The following GRM8 variants were observed in gnomAD, a reference collection of about 807,000 sequenced individuals.
GRM8 encodes the protein metabotropic glutamate receptor 8.
GRM8 carries 47 observed loss-of-function variants against 87.2 expected under a neutral mutation model. The ratio of observed to expected loss-of-function variants is 0.54; its 90% CI spans 0.43 to 0.69. The LOEUF (loss-of-function observed/expected upper bound fraction) is 0.69, where lower values mean the gene tolerates loss of function less well. Among genes scored for constraint, GRM8 ranks in the 30% least tolerant of loss-of-function variants. The probability of loss-of-function intolerance (pLI) is 0.00; values close to 1 mark genes in which losing one functional copy is unlikely to be tolerated. For missense variants in GRM8, 1,019 were observed against 1,139.2 expected (o/e 0.89, Z 1.52); for synonymous variants, 396 against 404.5 (o/e 0.98, Z 0.25).
intron 3 of GRM8, among the ~76,000 whole-genome samples, chr7:126,946,204 G>C (rs781687315): frequency 6.6e-6 from 1 of 152,194 alleles, no homozygotes; most frequent in East Asian, 1.9e-4. Context: ...AACACTCTTA[G>C]AAAAAGTCTG....
At chr7:126,474,513 C>A (rs1805672265) in intron 9 of GRM8, among the ~76,000 whole-genome samples, 1 of 152,116 alleles carries the variant, frequency 6.6e-6, no homozygotes, top group Non-Finnish European at 1.5e-5. Context: ...AAATAATCTG[C>A]CTGGGATCCC....
chr7:126,439,255 G>A, intron 10 of GRM8, 87 bp from the exon 11 acceptor site: 2 of 807,158 alleles, frequency 2.5e-6, no homozygotes, highest in East Asian at 5.1e-5. Context: ...GTCCTGTAAT[G>A]ACTTTTTAAT....
chr7:126,942,054 G>C (rs563054230), intron 3 of GRM8, among the ~76,000 whole-genome samples: 1 of 152,156 alleles, frequency 6.6e-6, no homozygotes, highest in Non-Finnish European at 1.5e-5. Context: ...TCATGAATTG[G>C]GTAGTGAATT....
intron 6 of GRM8, among the ~76,000 whole-genome samples, chr7:126,836,618 G>A (rs894548566): frequency 1.2e-4 from 18 of 151,960 alleles, no homozygotes; most frequent in South Asian, 8.3e-4. Flanking sequence ...CCCCTGCCTC[G>A]TACTCACCTG....
chr7:126,877,618 C>A (rs1563273793), intron 6 of GRM8, among the ~76,000 whole-genome samples: 1 of 152,176 alleles, frequency 6.6e-6, no homozygotes, highest in Non-Finnish European at 1.5e-5. Flanking sequence ...GAAATGCGGT[C>A]CACCAACCAT....
chr7:126,507,812 C>G (rs1047487881), intron 9 of GRM8, among the ~76,000 whole-genome samples: 3 of 151,884 alleles, frequency 2.0e-5, no homozygotes, highest in Admixed American at 1.3e-4. Context: ...CTAAATACCC[C>G]CTAACACCTC....
intron 3 of GRM8, among the ~76,000 whole-genome samples, chr7:127,047,684 A>C (rs1467766393): frequency 6.6e-6 from 1 of 152,118 alleles, no homozygotes; most frequent in African/African-American, 2.4e-5. Flanking sequence ...AGAAACACTT[A>C]GCCAGGCATG....
intron 9 of GRM8, among the ~76,000 whole-genome samples, chr7:126,473,629 T>A (rs1252993578): frequency 6.6e-6 from 1 of 152,138 alleles, no homozygotes; most frequent in African/African-American, 2.4e-5. Flanking sequence ...AAGGCATAGT[T>A]AGTTTTGAAA....
chr7:126,913,511 A>G (rs1366541263), intron 3 of GRM8, among the ~76,000 whole-genome samples: 3 of 152,216 alleles, frequency 2.0e-5, no homozygotes, highest in Non-Finnish European at 4.4e-5. Context: ...ATCCACCATT[A>G]TTTATTTCTT....
chr7:126,445,642 G>A (rs906862275), intron 10 of GRM8, among the ~76,000 whole-genome samples: 5 of 152,096 alleles, frequency 3.3e-5, no homozygotes, highest in African/African-American at 9.6e-5. Flanking sequence ...AGTATTAACT[G>A]TGACTTAACT....
In GRM8 at chr7:127,242,891, G is replaced by A. The variant is rs1328611139; in HGVS notation, c.314C>T (p.Thr105Met). 4 of 1,613,816 alleles carry A rather than the reference G, an allele frequency of 2.5e-6. No homozygotes were observed. The highest frequency in any genetic ancestry group is 2.2e-5 in the East Asian group (1 of 44,876). The stretch of plus-strand genomic sequence containing the variant: ...CAAAGCATAGGTGTCCCTAGAGCAC[G>A]TGTCGAGGATGCGGACACCCAGAGT... ...NITLGVRILD[T>M]CSRDTYALEQ... Residue 105 changes from threonine (T) to methionine (M), a missense_variant, in exon 2 of 11, where the codon ACG (threonine) becomes ATG (methionine). Coordinates refer to ENST00000339582, the MANE Select transcript of GRM8 (RefSeq NM_000845.3).
intron 7 of GRM8, among the ~76,000 whole-genome samples, chr7:126,612,903 C>T (rs772371551): frequency 5.3e-5 from 8 of 152,194 alleles, no homozygotes; most frequent in Non-Finnish European, 1.0e-4. Flanking sequence ...AATCCTCTCA[C>T]TTTGTTATTA....
At chr7:126,631,708 G>A (rs1187836493) in intron 7 of GRM8, among the ~76,000 whole-genome samples, 1 of 151,922 alleles carries the variant, frequency 6.6e-6, no homozygotes, top group Admixed American at 6.6e-5. Context: ...ATAACGAATA[G>A]AGACTCAGAA....
intron 9 of GRM8, among the ~76,000 whole-genome samples, chr7:126,499,713 C>T (rs34843956): frequency 0.14 from 20,897 of 151,468 alleles, 1,637 homozygotes; most frequent in South Asian, 0.18. Context: ...CTCACTTATG[C>T]GTGGAATTTA....
chr7:126,661,005 G>T (rs186735958), intron 7 of GRM8, among the ~76,000 whole-genome samples: 119 of 152,244 alleles, frequency 7.8e-4, no homozygotes, highest in African/African-American at 2.7e-3. Flanking sequence ...GACTGGGAAG[G>T]GTAGTAAGAG....
At chr7:126,695,996 A>G (rs1809336995) in intron 7 of GRM8, among the ~76,000 whole-genome samples, 1 of 152,142 alleles carries the variant, frequency 6.6e-6, no homozygotes, top group Admixed American at 6.5e-5. Context: ...GGGATAAAGA[A>G]AAGGGTGAAG....
chr7:126,721,791 T>C lies in GRM8; in HGVS notation c.1357+48074A>G, dbSNP rs189312635. ...GTCGAAAACTTCCTCTAAGTCTCTC[T>C]ACCCCATTCTCCAACTTTGCAAGGA... is the stretch of plus-strand genomic sequence containing the variant. On this transcript the variant is annotated intron_variant, in intron 7 of 10. Transcript: ENST00000339582. 6.9e-4 allele frequency among the ~76,000 whole-genome samples: 105 copies of C among 152,202 alleles called. 3 individuals are homozygous for C. The highest frequency in any genetic ancestry group is 6.8e-3 in the Admixed American group (104 of 15,260).
chr7:127,010,095 A>G (rs1586741480), intron 3 of GRM8, among the ~76,000 whole-genome samples: 1 of 152,118 alleles, frequency 6.6e-6, no homozygotes, highest in African/African-American at 2.4e-5. Flanking sequence ...CGACTGCCTC[A>G]GCCTCCCAAA....
chr7:126,874,172 C>G (rs1467795890), intron 6 of GRM8, among the ~76,000 whole-genome samples: 1 of 152,018 alleles, frequency 6.6e-6, no homozygotes, highest in African/African-American at 2.4e-5. Flanking sequence ...ACCCATCATG[C>G]TTTCAGAATC....
Sources: gnomAD v4.1 joint callset for allele counts (sites outside exome capture counted in the v4.1 genomes callset) on GRCh38, gnomAD v4.1.1 for gene constraint, MANE v1.5 for transcripts, NCBI Gene and HGNC (gene_info 2026-07-23, HGNC 2026-07-21) for gene names.